Variants in FKBP5 observed in about 807,000 individuals in gnomAD.
FKBP5 encodes peptidyl-prolyl cis-trans isomerase FKBP5.
FKBP5 carries 23 observed loss-of-function variants against 50.5 expected under a neutral mutation model. The observed-to-expected ratio is 0.46, with a 90% CI of 0.33 to 0.65. FKBP5 has a LOEUF of 0.65. Among genes scored for constraint, FKBP5 ranks in the 30% least tolerant of loss-of-function variants. FKBP5 has a pLI of 0.02. For synonymous variants in FKBP5, 176 were observed against 190.6 expected (o/e 0.92, Z 0.63); for missense variants, 411 against 553.1 (o/e 0.74, Z 2.58).
At chr6:35,580,247 G>C (rs1397328427) in intron 8 of FKBP5, 26 bp from the exon 9 acceptor site, 2 of 1,586,074 alleles carry the variant, frequency 1.3e-6, no homozygotes, top group Non-Finnish European at 1.7e-6. Flanking sequence ...GTCATTACTT[G>C]TACTCAGCTC....
At chr6:35,653,278 C>T (rs1764862342) in intron 1 of FKBP5, among the ~76,000 whole-genome samples, 2 of 152,164 alleles carry the variant, frequency 1.3e-5, no homozygotes, top group Admixed American at 1.3e-4. Flanking sequence ...AAGGATTGAG[C>T]TCAGGAGTTG....
At chr6:35,670,405 A>G (rs1213677378) in intron 1 of FKBP5, among the ~76,000 whole-genome samples, 1 of 152,184 alleles carries the variant, frequency 6.6e-6, no homozygotes, top group Non-Finnish European at 1.5e-5. Flanking sequence ...TGGCAAAGCT[A>G]GATAACTATC....
In FKBP5 at chr6:35,611,161, C is replaced by A. The variant is rs73417644; in HGVS notation, c.508+7935G>T. 4.8e-3 allele frequency among the ~76,000 whole-genome samples: 726 copies of A among 152,294 alleles called. 4 individuals are homozygous for A. Among genetic ancestry groups the A allele is most frequent in the African/African-American group, 0.017 (694 of 41,572 alleles). ...GTTTCCATTGGTTCAACTTCATCAACTTTACATATTCCAGAAATTCTCCAT... is the reference window on the plus strand; with the variant it reads ...GTTTCCATTGGTTCAACTTCATCAAATTTACATATTCCAGAAATTCTCCAT... On this transcript the variant is annotated intron_variant, in intron 5 of 10. Transcript: ENST00000357266.
chr6:35,676,358 GT>G (rs1013483321), intron 1 of FKBP5, among the ~76,000 whole-genome samples: 1 of 152,132 alleles, frequency 6.6e-6, no homozygotes, highest in African/African-American at 2.4e-5. Flanking sequence ...ATATAAATCA[GT>G]TTTTTTTCCT....
chr6:35,642,425 C>G (rs556488675), intron 2 of FKBP5, among the ~76,000 whole-genome samples: 211 of 152,096 alleles, frequency 1.4e-3, no homozygotes, highest in African/African-American at 4.5e-3. Flanking sequence ...TAATGAGATG[C>G]CCTCTCTCAA....
intron 7 of FKBP5, among the ~76,000 whole-genome samples, chr6:35,588,708 C>T (rs940409752): frequency 1.3e-5 from 2 of 151,876 alleles, no homozygotes; most frequent in East Asian, 1.9e-4. Flanking sequence ...TCAAGCAATC[C>T]TCCTGCCTCA....
chr6:35,593,998 T>C (rs958478148), intron 6 of FKBP5, among the ~76,000 whole-genome samples: 7 of 152,150 alleles, frequency 4.6e-5, no homozygotes, highest in Admixed American at 3.9e-4. Flanking sequence ...AGGGAAGATA[T>C]TGTCCCAATG....
chr6:35,612,043 C>A (rs1157477925), intron 5 of FKBP5, among the ~76,000 whole-genome samples: 1 of 151,858 alleles, frequency 6.6e-6, no homozygotes, highest in African/African-American at 2.4e-5. Context: ...CTCTAATAAC[C>A]ATGGTAGGTA....
rs550878351 is a variant in FKBP5 at position 35,666,394 on chromosome 6, TAAAAAAAAAAA to T, written c.-20+22399_-20+22409del. Among the ~76,000 whole-genome samples, 24 of 33,254 alleles carry T rather than the reference TAAAAAAAAAAA, an allele frequency of 7.2e-4. No homozygotes were observed. In the East Asian group the frequency reaches 0.022, roughly 30 times the overall value. 21.8% of individuals were successfully genotyped at this position (33,254 alleles called of 152,430 possible). ...CATGCAGAAACACTACTATTATAGT[TAAAAAAAAAAA>T]AAAAAAAAAAAAAAGGAGGGGAGTG... On this transcript the variant is annotated intron_variant, in intron 1 of 10. Coordinates refer to ENST00000357266, the MANE Select transcript of FKBP5 (RefSeq NM_004117.4).
At chr6:35,610,362 C>T (rs1026063582) in intron 5 of FKBP5, among the ~76,000 whole-genome samples, 3 of 151,598 alleles carry the variant, frequency 2.0e-5, no homozygotes, top group Non-Finnish European at 2.9e-5. Flanking sequence ...GTCAGGAGAT[C>T]GAGACCATCC....
At chr6:35,667,752 G>GT (rs1765271636) in intron 1 of FKBP5, among the ~76,000 whole-genome samples, 1 of 152,124 alleles carries the variant, frequency 6.6e-6, no homozygotes, top group Admixed American at 6.5e-5. Context: ...GTGGTGGCGG[G>GT]TGCCTGTAAT....
At chr6:35,707,623 G>T (rs1766344462) in intron 2 of FKBP5, among the ~76,000 whole-genome samples, 2 of 152,052 alleles carry the variant, frequency 1.3e-5, no homozygotes. Context: ...AAGGGAGTTT[G>T]TTGTACAGGT....
chr6:35,585,153 C>T, intron 8 of FKBP5: 2 of 981,490 alleles, frequency 2.0e-6, no homozygotes, highest in Non-Finnish European at 2.4e-6. Flanking sequence ...CTCAAATCTT[C>T]CCAAACTGTT....
chr6:35,618,721 G>A (rs1348127028), intron 5 of FKBP5, among the ~76,000 whole-genome samples: 1 of 151,560 alleles, frequency 6.6e-6, no homozygotes, highest in African/African-American at 2.4e-5. Flanking sequence ...TTGAGACAGA[G>A]TCTTGCTTTG....
chr6:35,601,858 A>C (rs1244972493), intron 5 of FKBP5, among the ~76,000 whole-genome samples: 1 of 152,176 alleles, frequency 6.6e-6, no homozygotes, highest in East Asian at 1.9e-4. Context: ...GAAATAAACA[A>C]GTTAAAAAGA....
At chr6:35,717,599 G>A (rs142026303) in intron 2 of FKBP5, among the ~76,000 whole-genome samples, 40 of 152,342 alleles carry the variant, frequency 2.6e-4, no homozygotes, top group Non-Finnish European at 5.0e-4. Flanking sequence ...AGCTGTGGGA[G>A]CGTGGGGGAC....
chr6:35,605,394 T>TC lies in FKBP5; in HGVS notation c.509-7991_509-7990insG, dbSNP rs1763279018. Among the ~76,000 whole-genome samples, 2 of 131,538 alleles carry TC rather than the reference T, an allele frequency of 1.5e-5. 1 individual carries two copies. The highest frequency in any genetic ancestry group is 5.3e-4 in the South Asian group (2 of 3,776). The allele number at this position is 131,538 out of a possible 152,430, so 86.3% of individuals were successfully genotyped here. On this transcript the variant is annotated intron_variant, in intron 5 of 10. Coordinates refer to ENST00000357266, the MANE Select transcript of FKBP5 (RefSeq NM_004117.4). ...ACCTATGACAATATCTTTTTTTTTT[T>TC]TTTTTTTTTTTTTTTTTTTGAGACA... is the stretch of plus-strand genomic sequence containing the variant.
At chr6:35,611,704 A>T (rs1763499650) in intron 5 of FKBP5, among the ~76,000 whole-genome samples, 1 of 152,210 alleles carries the variant, frequency 6.6e-6, no homozygotes, top group Non-Finnish European at 1.5e-5. Flanking sequence ...ACTTTGAATA[A>T]AAATTACAAG....
chr6:35,683,878 C>CA (rs1765750693), intron 1 of FKBP5, among the ~76,000 whole-genome samples: 1 of 149,268 alleles, frequency 6.7e-6, no homozygotes, highest in African/African-American at 2.5e-5. Flanking sequence ...GCCAACATGG[C>CA]AAAACCTCGT....
Sources: gnomAD v4.1 joint callset for allele counts (sites outside exome capture counted in the v4.1 genomes callset) on GRCh38, gnomAD v4.1.1 for gene constraint, MANE v1.5 for transcripts, NCBI Gene and HGNC (gene_info 2026-07-23, HGNC 2026-07-21) for gene names.